The following SPOCK1 variants were observed in gnomAD, a reference collection of about 807,000 sequenced individuals.
The protein encoded by SPOCK1 is SPARC (osteonectin), cwcv and kazal like domains proteoglycan 1.
SPOCK1 carries 23 observed loss-of-function variants against 55.3 expected under a neutral mutation model. The ratio of observed to expected loss-of-function variants is 0.42; its 90% CI spans 0.30 to 0.59. The LOEUF (loss-of-function observed/expected upper bound fraction) is 0.59. Ranked by LOEUF, SPOCK1 falls within the 20% of genes least tolerant of loss-of-function variation. The pLI, the probability that SPOCK1 is intolerant of heterozygous loss-of-function variation, is 0.22. For synonymous variants in SPOCK1, 226 were observed against 221.0 expected, an observed-to-expected ratio of 1.02 and a Z score of -0.20; for missense variants, 499 against 552.5, an observed-to-expected ratio of 0.90 and a Z score of 0.97.
At chr5:137,209,303 C>A (rs1359421378) in intron 3 of SPOCK1, among the ~76,000 whole-genome samples, 2 of 152,158 alleles carry the variant, frequency 1.3e-5, no homozygotes, top group African/African-American at 4.8e-5. Flanking sequence ...TAATTCGAAG[C>A]TATTAAGGCT....
At chr5:137,110,236 G>A (rs1228209507) in intron 5 of SPOCK1, among the ~76,000 whole-genome samples, 1 of 152,054 alleles carries the variant, frequency 6.6e-6, no homozygotes, top group Non-Finnish European at 1.5e-5. Flanking sequence ...ATTGACTTTG[G>A]GGTAGCAGAA....
chr5:137,211,587 G>A (rs1184367214), intron 3 of SPOCK1, among the ~76,000 whole-genome samples: 1 of 152,176 alleles, frequency 6.6e-6, no homozygotes, highest in Non-Finnish European at 1.5e-5. Flanking sequence ...GTACGCTAAT[G>A]AGTTGACTGG....
chr5:137,414,124 A>G (rs1752279708), intron 2 of SPOCK1, among the ~76,000 whole-genome samples: 1 of 152,240 alleles, frequency 6.6e-6, no homozygotes, highest in African/African-American at 2.4e-5. Context: ...CATATGAACA[A>G]CTTTAATACA....
intron 2 of SPOCK1, among the ~76,000 whole-genome samples, chr5:137,301,636 CT>C (rs34828127): frequency 1.7e-3 from 223 of 129,776 alleles, no homozygotes; most frequent in African/African-American, 4.6e-3. Context: ...ATTTCGTCTC[CT>C]TTTTTTTTTT....
At chr5:137,191,359 A>C (rs1169139116) in intron 3 of SPOCK1, among the ~76,000 whole-genome samples, 1 of 151,890 alleles carries the variant, frequency 6.6e-6, no homozygotes, top group Non-Finnish European at 1.5e-5. Context: ...AATCTTTGCT[A>C]AGCAAACCAC....
chr5:137,080,288 T>C (rs921989119), intron 5 of SPOCK1, among the ~76,000 whole-genome samples: 1 of 152,214 alleles, frequency 6.6e-6, no homozygotes, highest in African/African-American at 2.4e-5. Flanking sequence ...ATCCAGGCTA[T>C]CTGATTCTAA....
intron 4 of SPOCK1, among the ~76,000 whole-genome samples, chr5:137,131,409 A>C (rs1368527579): frequency 6.6e-6 from 1 of 151,988 alleles, no homozygotes; most frequent in Non-Finnish European, 1.5e-5. Context: ...GGAGATTGAG[A>C]CCATCCTGGC....
At chr5:137,255,911 C>T (rs1580832240) in intron 3 of SPOCK1, among the ~76,000 whole-genome samples, 2 of 152,174 alleles carry the variant, frequency 1.3e-5, no homozygotes, top group East Asian at 3.9e-4. Context: ...CCCTTTCTAC[C>T]ATGAATTTTG....
intron 2 of SPOCK1, among the ~76,000 whole-genome samples, chr5:137,447,198 T>G (rs532162695): frequency 6.6e-6 from 1 of 152,316 alleles, no homozygotes; most frequent in South Asian, 2.1e-4. Flanking sequence ...CAGCCTAATG[T>G]TTTTCATTGT....
rs1756870041 is a variant in SPOCK1, at chr5:137,267,026, G to GTT, written c.214_215dup (p.Asn72LysfsTer17). On this transcript the variant is annotated frameshift_variant, in exon 3 of 11. Coordinates refer to ENST00000394945, the MANE Select transcript of SPOCK1 (RefSeq NM_004598.4). LOFTEE classifies it high-confidence loss of function. ...ATCCATTACCTTGGTCAAAGGGCTT[G>GTT]TTGGGATTCCAGTTTCTGAAATAAT... The GTT allele has an allele frequency of 2.5e-6, 4 of 1,613,018 alleles. No homozygotes were observed. The highest frequency in any genetic ancestry group is 3.4e-6 in the Non-Finnish European group (4 of 1,179,100).
intron 3 of SPOCK1, among the ~76,000 whole-genome samples, chr5:137,170,399 C>G (rs2127057863): frequency 1.3e-5 from 2 of 152,244 alleles, no homozygotes; most frequent in South Asian, 4.1e-4. Flanking sequence ...CCAAATGAAG[C>G]AGGTACTGCT....
chr5:137,084,849 C>T (rs1752932239), intron 5 of SPOCK1, among the ~76,000 whole-genome samples: 1 of 151,720 alleles, frequency 6.6e-6, no homozygotes, highest in African/African-American at 2.4e-5. Flanking sequence ...CACTACACCA[C>T]TCCAAATGCT....
At chr5:137,472,214 T>C (rs369406451) in intron 2 of SPOCK1, among the ~76,000 whole-genome samples, 27 of 152,166 alleles carry the variant, frequency 1.8e-4, no homozygotes, top group African/African-American at 6.5e-4. Flanking sequence ...ATGAGGGCTT[T>C]AGTCTGCGGC....
At chr5:137,278,972 T>C (rs923967502) in intron 2 of SPOCK1, among the ~76,000 whole-genome samples, 1 of 152,004 alleles carries the variant, frequency 6.6e-6, no homozygotes, top group Non-Finnish European at 1.5e-5. Flanking sequence ...CCAGGGGGAA[T>C]GCTATTATCT....
At chr5:137,487,067 C>T (rs992702469) in intron 2 of SPOCK1, among the ~76,000 whole-genome samples, 12 of 152,298 alleles carry the variant, frequency 7.9e-5, no homozygotes, top group Admixed American at 2.6e-4. Flanking sequence ...GAAAGACCTC[C>T]AAATAGCCAC....
intron 3 of SPOCK1, among the ~76,000 whole-genome samples, chr5:137,240,039 G>A (rs892394493): frequency 2.0e-5 from 3 of 152,164 alleles, no homozygotes; most frequent in African/African-American, 7.2e-5. Context: ...CCTATGTGAA[G>A]AGAAAATTCC....
chr5:137,431,170 C>A (rs1181525215), intron 2 of SPOCK1, among the ~76,000 whole-genome samples: 1 of 152,132 alleles, frequency 6.6e-6, no homozygotes, highest in African/African-American at 2.4e-5. Context: ...CAGCTATAGC[C>A]CTTCAGACTA....
At chr5:137,146,235 G>A (rs1311836982) in intron 3 of SPOCK1, among the ~76,000 whole-genome samples, 2 of 152,100 alleles carry the variant, frequency 1.3e-5, no homozygotes, top group African/African-American at 4.8e-5. Context: ...CTCCTGCCAG[G>A]AACCTCCTTC....
intron 3 of SPOCK1, among the ~76,000 whole-genome samples, chr5:137,220,587 G>A (rs1561475664): frequency 6.6e-6 from 1 of 152,200 alleles, no homozygotes; most frequent in Non-Finnish European, 1.5e-5. Flanking sequence ...TGACTCCTGA[G>A]TCTAGTCTCC....
Sources: allele counts gnomAD v4.1 joint callset (sites outside exome capture counted in the v4.1 genomes callset), GRCh38; gene constraint gnomAD v4.1.1; transcripts MANE v1.5; gene names NCBI Gene and HGNC (gene_info 2026-07-23, HGNC 2026-07-21).